Variants in MRTFB observed in about 807,000 individuals in gnomAD.
The protein encoded by MRTFB is myocardin-related transcription factor B.
A neutral mutation model predicts 104.2 loss-of-function variants in MRTFB; 29 were observed. The observed-to-expected ratio is 0.28, with a 90% CI of 0.21 to 0.38. The LOEUF (loss-of-function observed/expected upper bound fraction) is 0.38. Among genes scored for constraint, MRTFB ranks in the 10% least tolerant of loss-of-function variants. The pLI is 1.00. For missense variants in MRTFB, 1,270 were observed against 1,341.6 expected, an observed-to-expected ratio of 0.95 and a Z score of 0.83; for synonymous variants, 535 against 519.5, an observed-to-expected ratio of 1.03 and a Z score of -0.41.
chr16:14,122,309 A>T (rs1286512530), intron 2 of MRTFB, among the ~76,000 whole-genome samples: 3 of 151,290 alleles, frequency 2.0e-5, no homozygotes, highest in Non-Finnish European at 1.5e-5. Flanking sequence ...TTATACTTTA[A>T]GTTCTGGGGT....
chr16:14,073,200 G>A (rs1596684607), intron 1 of MRTFB, among the ~76,000 whole-genome samples: 2 of 152,076 alleles, frequency 1.3e-5, no homozygotes, highest in East Asian at 3.8e-4. Flanking sequence ...GTTTATAGTG[G>A]GCTTAATCTG....
At chr16:14,138,699 C>T (rs1172598913) in intron 2 of MRTFB, among the ~76,000 whole-genome samples, 1 of 152,148 alleles carries the variant, frequency 6.6e-6, no homozygotes, top group Non-Finnish European at 1.5e-5. Context: ...GAGCACAGTG[C>T]ATACACCTGC....
intron 1 of MRTFB, among the ~76,000 whole-genome samples, chr16:14,073,712 A>G (rs948327905): frequency 2.0e-5 from 3 of 152,276 alleles, no homozygotes; most frequent in Non-Finnish European, 4.4e-5. Context: ...ATGTGTAGAA[A>G]TAAGTCTTAG....
At chr16:14,016,713 C>T in the MRTFB span, among the ~76,000 whole-genome samples, 28 of 134,010 alleles carry the variant, frequency 2.1e-4, no homozygotes, top group African/African-American at 6.5e-4. Flanking sequence ...GCGGAGGTTG[C>T]GGCGAGCCGA....
chr16:14,060,001 T>G, the MRTFB span, among the ~76,000 whole-genome samples: 1 of 135,872 alleles, frequency 7.4e-6, no homozygotes, highest in Non-Finnish European at 1.6e-5. Flanking sequence ...CATGTAATTT[T>G]TTTTTTTTTT....
chr16:14,079,929 G>T (rs1003079630), intron 2 of MRTFB, among the ~76,000 whole-genome samples: 1 of 151,734 alleles, frequency 6.6e-6, no homozygotes, highest in South Asian at 2.1e-4. Context: ...TAAATAAATT[G>T]GTTTGCCTGT....
chr16:14,144,404 T>C (rs2038183468), intron 3 of MRTFB: 1 of 152,150 alleles, frequency 6.6e-6, no homozygotes, highest in African/African-American at 2.4e-5. Context: ...CTGTCAGAAA[T>C]CTAGGTTTTT....
intron 3 of MRTFB, among the ~76,000 whole-genome samples, chr16:14,154,604 T>C (rs1022720095): frequency 6.6e-6 from 1 of 152,212 alleles, no homozygotes; most frequent in Non-Finnish European, 1.5e-5. Flanking sequence ...GCATTTATTA[T>C]CTCACAGCTT....
At chr16:14,053,360 A>G in the MRTFB span, among the ~76,000 whole-genome samples, 1 of 152,156 alleles carries the variant, frequency 6.6e-6, no homozygotes, top group Admixed American at 6.5e-5. Flanking sequence ...TATCTTGGCT[A>G]TTGTGAATAG....
Position 14,252,041 on chromosome 16 carries a change from G to A in MRTFB, c.2565+18G>A. ...CCAACAAGGTAACCCTGTGAGGCTT[G>A]TGTGTCAGTGACAGTGCCGCAGGGG... On this transcript the variant is annotated intron_variant, in intron 14 of 16. Coordinates refer to ENST00000571589, the MANE Select transcript of MRTFB (RefSeq NM_001308142.2). The A allele has an allele frequency of 6.2e-7, 1 of 1,612,598 alleles. No individual in the cohort carries two copies. The highest frequency in any genetic ancestry group is 8.5e-7 in the Non-Finnish European group (1 of 1,179,208).
chr16:14,233,073 T>C lies in MRTFB; in HGVS notation c.694-1073T>C, dbSNP rs1290049937. The stretch of plus-strand genomic sequence containing the variant: ...TTTACAATAAAATACTTAAAATCTA[T>C]GTAAAGTAGATTGCTAGTGAGAATT... On this transcript the variant is annotated intron_variant, in intron 8 of 16. Transcript: ENST00000571589. Among the ~76,000 whole-genome samples the C allele has an allele frequency of 2.0e-5, 3 of 152,324 alleles. No individual in the cohort carries two copies. The South Asian group carries it at 6.2e-4, about 32-fold the overall frequency.
At chr16:14,031,092 C>A in the MRTFB span, among the ~76,000 whole-genome samples, 1 of 152,148 alleles carries the variant, frequency 6.6e-6, no homozygotes, top group African/African-American at 2.4e-5. Context: ...GAGACTTTCC[C>A]ATTAACAAAC....
chr16:14,110,310 T>G (rs533461547), intron 2 of MRTFB, among the ~76,000 whole-genome samples: 1 of 152,246 alleles, frequency 6.6e-6, no homozygotes, highest in African/African-American at 2.4e-5. Flanking sequence ...TTTTTGACAG[T>G]GCGAGTTTAG....
intron 3 of MRTFB, among the ~76,000 whole-genome samples, chr16:14,185,824 T>A (rs1386820565): frequency 1.3e-5 from 2 of 152,142 alleles, no homozygotes; most frequent in Admixed American, 6.5e-5. Context: ...GCTACAGAGG[T>A]ATATATCTGG....
chr16:14,143,850 A>C (rs2038153668), intron 3 of MRTFB: 3 of 152,138 alleles, frequency 2.0e-5, no homozygotes, highest in African/African-American at 2.4e-5. Flanking sequence ...TAATGTATTC[A>C]TGTGGTTTAA....
intron 2 of MRTFB, among the ~76,000 whole-genome samples, chr16:14,139,799 A>G (rs1427032335): frequency 3.9e-5 from 6 of 152,232 alleles, no homozygotes. Context: ...TAAGCAGACA[A>G]CAAAGAATTT....
the MRTFB span, among the ~76,000 whole-genome samples, chr16:14,010,375 G>T: frequency 6.6e-6 from 1 of 152,222 alleles, no homozygotes; most frequent in Non-Finnish European, 1.5e-5. Flanking sequence ...GGGGTGCAAT[G>T]GCAGGATCAT....
At chr16:14,050,219 CTAGA>C in the MRTFB span, among the ~76,000 whole-genome samples, 1 of 152,064 alleles carries the variant, frequency 6.6e-6, no homozygotes, top group Non-Finnish European at 1.5e-5. Flanking sequence ...GAGGTAGAAT[CTAGA>C]TAAAGTGTAT....
Position 14,263,751 on chromosome 16 carries a change from CA to C in MRTFB, c.*2308del, listed in dbSNP as rs1179601425. The C allele has an allele frequency of 2.0e-5, 3 of 152,200 alleles. No individual in the cohort carries two copies. The East Asian group carries it at 5.8e-4, about 29-fold the overall frequency. 9.4% of individuals were successfully genotyped at this position (152,200 alleles called of 1,614,324 possible). A position where few individuals can be genotyped will look rare whatever the true frequency, so the allele number is the denominator to read the frequency against. ...CTATGAATTGCTAAAGTGCCCACTT[CA>C]CATATGTGTTTAAACCTTTATAAAC... On this transcript the variant is annotated 3_prime_UTR_variant, in exon 17 of 17. Coordinates refer to ENST00000571589, the MANE Select transcript of MRTFB (RefSeq NM_001308142.2).
Sources: gnomAD v4.1 joint callset for allele counts (sites outside exome capture counted in the v4.1 genomes callset) on GRCh38, gnomAD v4.1.1 for gene constraint, MANE v1.5 for transcripts, NCBI Gene and HGNC (gene_info 2026-07-23, HGNC 2026-07-21) for gene names.